Variants in PRDM1 observed in about 807,000 individuals in gnomAD.
The protein encoded by PRDM1 is PR/SET domain 1.
Under a neutral mutation model 62.8 loss-of-function variants are expected in PRDM1, and 13 were observed. That is an observed-to-expected ratio of 0.21 (90% CI 0.13 to 0.33). The LOEUF (loss-of-function observed/expected upper bound fraction) is 0.33. PRDM1 is among the 10% of genes least tolerant of loss of function. The pLI is 1.00. For synonymous variants in PRDM1, 396 were observed against 417.6 expected, an observed-to-expected ratio of 0.95 and a Z score of 0.63; for missense variants, 895 against 1,058.8, an observed-to-expected ratio of 0.85 and a Z score of 2.15.
chr6:106,099,312 G>A lies in PRDM1; in HGVS notation c.424G>A (p.Gly142Arg). ...RKYFWRIYSR[G>R]ELHHFIDGFN... The stretch of plus-strand genomic sequence containing the variant: ...CTCTTTTGGACAGATCTATTCCAGA[G>A]GGGAGCTTCACCACTTCATTGACGG... Residue 142 changes from glycine to arginine, a missense_variant, in exon 4 of 7, where the codon GGG becomes AGG. Physicochemically the swap from Gly to Arg is moderately radical, Grantham distance 125. Coordinates refer to ENST00000369096, the MANE Select transcript of PRDM1 (RefSeq NM_001198.4). 1 of 1,614,098 alleles carries A rather than the reference G, an allele frequency of 6.2e-7. No individual in the cohort carries two copies. The highest frequency in any genetic ancestry group is 2.2e-5 in the East Asian group (1 of 44,882).
At chr6:106,076,058 C>A (rs1773600952) in intron 1 of PRDM1, among the ~76,000 whole-genome samples, 1 of 151,946 alleles carries the variant, frequency 6.6e-6, no homozygotes, top group South Asian at 2.1e-4. Flanking sequence ...CTCAAGCCAT[C>A]CTCCAACCTC....
upstream of PRDM1, chr6:106,086,214 C>T (rs1773798021): frequency 2.8e-6 from 1 of 355,974 alleles, no homozygotes; most frequent in South Asian, 8.2e-5. Flanking sequence ...GGCGGCTGTG[C>T]TAGCAATCTG....
chr6:106,064,333 G>C lies in PRDM1; in HGVS notation c.-67+15619G>C, dbSNP rs148319924. On this transcript the variant is annotated intron_variant, in intron 1 of 6. Transcript: ENST00000651185. ...CTGTGGACAGACGAAATCCAGGCCTGTTCACAGGGCAGTCACAGTGATCAC... is the reference window on the plus strand; with the variant it reads ...CTGTGGACAGACGAAATCCAGGCCTCTTCACAGGGCAGTCACAGTGATCAC... Among the ~76,000 whole-genome samples, 302 of 152,346 alleles carry C rather than the reference G, an allele frequency of 2.0e-3. 2 individuals carry two copies. Among genetic ancestry groups the C allele is most frequent in the African/African-American group, 7.1e-3 (296 of 41,590 alleles).
At chr6:106,010,344 T>C (rs908251105) in intron 1 of PRDM1, among the ~76,000 whole-genome samples, 2 of 152,218 alleles carry the variant, frequency 1.3e-5, no homozygotes. Flanking sequence ...ATACTACAAA[T>C]GCATAATCAT....
intron 1 of PRDM1, among the ~76,000 whole-genome samples, chr6:106,057,080 G>A (rs1343033390): frequency 2.0e-5 from 3 of 152,154 alleles, no homozygotes; most frequent in Non-Finnish European, 2.9e-5. Flanking sequence ...AACTAGACAA[G>A]GAAATTTGTA....
At chr6:106,040,766 C>T (rs758943158) in intron 1 of PRDM1, among the ~76,000 whole-genome samples, 1 of 152,106 alleles carries the variant, frequency 6.6e-6, no homozygotes, top group African/African-American at 2.4e-5. Flanking sequence ...TATTACCTTC[C>T]TAAATGTGCA....
Position 106,107,939 on chromosome 6 carries a change from A to AT in PRDM1, c.*458dup, listed in dbSNP as rs1774551848. ...TTCCTTGTAATTTGAGTATAAATGT[A>AT]TTTTTGTCTTGTGGCCATTCTTTGT... On this transcript the variant is annotated 3_prime_UTR_variant, in exon 7 of 7. Transcript: ENST00000369096. 1 of 232,476 alleles carries AT rather than the reference A, an allele frequency of 4.3e-6. No individual in the cohort carries two copies. Among genetic ancestry groups the AT allele is most frequent in the Non-Finnish European group, 8.5e-6 (1 of 117,372 alleles). 14.4% of individuals were successfully genotyped at this position (232,476 alleles called of 1,614,324 possible).
In PRDM1 at chr6:106,109,566, G is replaced by A. The variant is rs1456240524; in HGVS notation, c.*2080G>A. The A allele has an allele frequency of 5.1e-5, 12 of 233,518 alleles. No individual in the cohort carries two copies. The Admixed American group carries it at 6.8e-4, about 13-fold the overall frequency. The allele number at this position is 233,518 out of a possible 1,614,324, so 14.5% of individuals were successfully genotyped here. On this transcript the variant is annotated 3_prime_UTR_variant, in exon 7 of 7. Coordinates refer to ENST00000369096, the MANE Select transcript of PRDM1 (RefSeq NM_001198.4). The stretch of plus-strand genomic sequence containing the variant: ...GACAGCTTTTTATGTATCAGTGTTT[G>A]ATAAACACAGTCCTTAACTGAAGGT...
chr6:106,108,194 A>G lies in PRDM1; in HGVS notation c.*708A>G, dbSNP rs1035711753. The G allele has an allele frequency of 1.3e-5, 3 of 233,496 alleles. No individual in the cohort carries two copies. Among genetic ancestry groups the G allele is most frequent in the African/African-American group, 6.6e-5 (3 of 45,302 alleles). The allele number at this position is 233,496 out of a possible 1,614,324, so 14.5% of individuals were successfully genotyped here. ...AATAACTTAAGTAGAAGAAACAAGA[A>G]AGGGAATCTTGTATATTTTTGTTGA... is the stretch of plus-strand genomic sequence containing the variant. On this transcript the variant is annotated 3_prime_UTR_variant, in exon 7 of 7. Coordinates refer to ENST00000369096, the MANE Select transcript of PRDM1 (RefSeq NM_001198.4).
rs981884364 is a variant in PRDM1 at position 106,107,719 on chromosome 6, A to G, written c.*233A>G. ...ATATATCTGTATACATATTATATAT[A>G]CTTATTTACACCTGTGTCTATATAT... On this transcript the variant is annotated 3_prime_UTR_variant, in exon 7 of 7. Transcript: ENST00000369096. The G allele has an allele frequency of 4.5e-6, 1 of 220,690 alleles. No homozygotes were observed. The highest frequency in any genetic ancestry group is 6.1e-5 in the Admixed American group (1 of 16,494). The allele number at this position is 220,690 out of a possible 1,614,324, so 13.7% of individuals were successfully genotyped here.
chr6:106,095,812 C>T, intron 3 of PRDM1, 78 bp downstream of exon 3: 2 of 1,506,060 alleles, frequency 1.3e-6, no homozygotes, highest in Non-Finnish European at 1.8e-6. Context: ...GCTCACCTTT[C>T]TCATCCTGTG....
chr6:106,095,952 G>A (rs1402956237), intron 3 of PRDM1: 2 of 483,772 alleles, frequency 4.1e-6, no homozygotes, highest in Non-Finnish European at 7.4e-6. Flanking sequence ...CGGGCTATAT[G>A]TGAATCTTGA....
chr6:106,101,233 G>C (rs1774261967), intron 4 of PRDM1, among the ~76,000 whole-genome samples: 1 of 151,988 alleles, frequency 6.6e-6, no homozygotes. Context: ...TTTGATTTTT[G>C]CTTTTCTTTA....
At chr6:106,033,874 CT>C (rs1280316748) in intron 1 of PRDM1, among the ~76,000 whole-genome samples, 2 of 151,820 alleles carry the variant, frequency 1.3e-5, no homozygotes, top group Non-Finnish European at 2.9e-5. Context: ...AGGTTCAGGG[CT>C]TTTCTTTGTC....
upstream of PRDM1, among the ~76,000 whole-genome samples, chr6:106,085,875 C>T (rs1238630870): frequency 6.6e-6 from 1 of 151,354 alleles, no homozygotes; most frequent in Non-Finnish European, 1.5e-5. Flanking sequence ...GGGAAACGTG[C>T]GTTACATACA....
intron 1 of PRDM1, among the ~76,000 whole-genome samples, chr6:106,035,561 C>T (rs1479223034): frequency 2.0e-5 from 3 of 151,928 alleles, no homozygotes; most frequent in Non-Finnish European, 2.9e-5. Flanking sequence ...CCTGGGACGT[C>T]GAGGCTGCAG....
intron 1 of PRDM1, among the ~76,000 whole-genome samples, chr6:106,077,364 A>G (rs891218322): frequency 6.6e-6 from 1 of 152,216 alleles, no homozygotes; most frequent in Admixed American, 6.5e-5. Flanking sequence ...GAGACAGATC[A>G]TTGTCCAGGA....
In PRDM1 at chr6:106,079,184, C is replaced by T. The variant is rs577375731; in HGVS notation, c.-66-9017C>T. On this transcript the variant is annotated intron_variant, in intron 1 of 6. Transcript: ENST00000651185. The stretch of plus-strand genomic sequence containing the variant: ...TTCACCATGTTGGCCAGGCTGGTCT[C>T]AAACTCCTGACTTCAGGTGATCCAC... Among the ~76,000 whole-genome samples the T allele has an allele frequency of 4.6e-5, 7 of 152,030 alleles. No individual in the cohort carries two copies. In the South Asian group the frequency reaches 6.2e-4, roughly 14 times the overall value.
At chr6:106,078,676 A>C (rs1157691379) in intron 1 of PRDM1, among the ~76,000 whole-genome samples, 1 of 152,194 alleles carries the variant, frequency 6.6e-6, no homozygotes, top group Non-Finnish European at 1.5e-5. Flanking sequence ...ATTTAAGACC[A>C]GCCTGGGCAA....
Sources: allele counts gnomAD v4.1 joint callset (sites outside exome capture counted in the v4.1 genomes callset), GRCh38; gene constraint gnomAD v4.1.1; transcripts MANE v1.5; gene names NCBI Gene and HGNC (gene_info 2026-07-23, HGNC 2026-07-21).